The following GSTA1 variants were observed in gnomAD, a reference collection of about 807,000 sequenced individuals.
The protein encoded by GSTA1 is glutathione S-transferase alpha 1, also known as glutathione S-transferase A1.
GSTA1 carries 23 observed loss-of-function variants against 21.5 expected under a neutral mutation model. The observed-to-expected ratio is 1.07, with a 90% CI of 0.77 to 1.52. GSTA1 has a LOEUF of 1.52. Among genes scored for constraint, GSTA1 ranks in the 40% most tolerant of loss-of-function variants. GSTA1 has a pLI of 0.00. For synonymous variants in GSTA1, 125 were observed against 90.0 expected, an observed-to-expected ratio of 1.39 and a Z score of -2.20; for missense variants, 301 against 264.2, an observed-to-expected ratio of 1.14 and a Z score of -0.96.
intron 3 of GSTA1, among the ~76,000 whole-genome samples, chr6:52,796,543 A>ATATTTTTTTTTTTTTTTT (rs1300549721): frequency 4.2e-5 from 1 of 23,760 alleles, no homozygotes; most frequent in Non-Finnish European, 1.1e-4. Context: ...ATATATATAT[A>ATATTTTTTTTTTTTTTTT]TTTTTTTTTT....
intron 1 of GSTA1, among the ~76,000 whole-genome samples, chr6:52,802,065 T>C (rs3996997): frequency 0.95 from 144,983 of 152,196 alleles, 69,463 homozygotes; most frequent in East Asian, 1. Context: ...CCTGAGTTCC[T>C]CCTGTTAGCA....
intron 1 of GSTA1, among the ~76,000 whole-genome samples, chr6:52,802,163 A>G (rs536793998): frequency 1.3e-5 from 2 of 152,266 alleles, no homozygotes; most frequent in South Asian, 2.1e-4. Context: ...TGAGTTGAGG[A>G]CTAGTATAAT....
In GSTA1 at chr6:52,792,687, A is replaced by G. The variant is rs1763485029; in HGVS notation, c.546+169T>C. On this transcript the variant is annotated intron_variant, in intron 6 of 6. Transcript: ENST00000334575. ...CAGCACAGATTTCCTTTCCATAACA[A>G]AAGTGTTTTCATTCCTCAAAATTGG... 1.9e-6 allele frequency: 3 copies of G among 1,543,692 alleles called. No homozygotes were observed. The African/African-American group carries it at 4.1e-5, about 21-fold the overall frequency.
At position 52,791,620 on chromosome 6, in the gene GSTA1, T is replaced by C. The variant is rs572330784; in HGVS notation, c.*238A>G. On this transcript the variant is annotated 3_prime_UTR_variant, in exon 7 of 7. Coordinates refer to ENST00000334575, the MANE Select transcript of GSTA1 (RefSeq NM_145740.5). ...TTTCCTTTTTTACTGAATTTTTAAT[T>C]CCAGGAAAATGGTTGGCTAGGAGAA... 15 of 445,652 alleles carry C rather than the reference T, an allele frequency of 3.4e-5. No individual in the cohort carries two copies. The highest frequency in any genetic ancestry group is 3.0e-4 in the African/African-American group (15 of 49,786). 27.6% of individuals were successfully genotyped at this position (445,652 alleles called of 1,614,324 possible).
chr6:52,799,793 C>G (rs9474324), intron 1 of GSTA1, among the ~76,000 whole-genome samples: 148,387 of 152,306 alleles, frequency 0.97, 72,394 homozygotes, highest in South Asian at 1. Context: ...AATATCTACA[C>G]CAAGGACTAA....
At chr6:52,796,525 G>A (rs375852006) in intron 3 of GSTA1, among the ~76,000 whole-genome samples, 49,352 of 56,432 alleles carry the variant, frequency 0.87, 21,492 homozygotes, top group Middle Eastern at 0.93. Context: ...GTGTGTGTGT[G>A]TGTGTATATA....
Position 52,794,191 on chromosome 6 carries a change from T to A in GSTA1, c.348A>T (p.Glu116Asp). ...TGATCAAGGCAAGCTTGGCATCTTT[T>A]TCCTCAGGTGGACATACGGGCAGAA... ...ILLLPVCPPE[E>D]KDAKLALIKE... Residue 116 changes from glutamate to aspartate, a missense_variant, in exon 5 of 7, where the codon GAA (glutamate) becomes GAT (aspartate). Coordinates refer to ENST00000334575, the MANE Select transcript of GSTA1 (RefSeq NM_145740.5). 6.2e-7 allele frequency: 1 copy of A among 1,614,124 alleles called. No homozygotes were observed. The highest frequency in any genetic ancestry group is 1.3e-5 in the African/African-American group (1 of 75,066).
intron 6 of GSTA1, 21 bp from the exon 7 acceptor site, chr6:52,792,001 C>T: frequency 1.2e-6 from 2 of 1,613,454 alleles, no homozygotes; most frequent in Non-Finnish European, 1.7e-6. Context: ...TAAAGCACAG[C>T]CTCAGAGTGA....
Position 52,792,633 on chromosome 6 carries a change from G to A in GSTA1, c.546+223C>T, listed in dbSNP as rs908046270. The A allele has an allele frequency of 1.3e-5, 15 of 1,171,370 alleles. No homozygotes were observed. In the Admixed American group the frequency reaches 2.9e-4, roughly 22 times the overall value. The allele number at this position is 1,171,370 out of a possible 1,614,324, so 72.6% of individuals were successfully genotyped here. The stretch of plus-strand genomic sequence containing the variant: ...GGCCCTGGGTTCTTTCCATAATAAA[G>A]GGCAAAATACTCTTTGTGGGGTAGC... On this transcript the variant is annotated intron_variant, in intron 6 of 6. Coordinates refer to ENST00000334575, the MANE Select transcript of GSTA1 (RefSeq NM_145740.5).
intron 1 of GSTA1, among the ~76,000 whole-genome samples, chr6:52,802,910 C>A (rs1197418359): frequency 6.6e-6 from 1 of 152,040 alleles, no homozygotes. Context: ...ACTAATCAGT[C>A]CACCTGGATT....
rs1763516908 is a variant in GSTA1 at position 52,793,991 on chromosome 6, G to A, written c.414+134C>T. On this transcript the variant is annotated intron_variant, in intron 5 of 6. Transcript: ENST00000334575. ...CAAGTCTATTTTCATAAAATGCCTT[G>A]AGAGTCAGAGTGCTGCATTGGTGTT... 2.9e-6 allele frequency: 3 copies of A among 1,036,264 alleles called. No individual in the cohort carries two copies. The Admixed American group carries it at 6.5e-5, about 22-fold the overall frequency. 64.2% of individuals were successfully genotyped at this position (1,036,264 alleles called of 1,614,324 possible).
chr6:52,791,371 T>G lies in GSTA1; in HGVS notation c.*487A>C, dbSNP rs2894802. The stretch of plus-strand genomic sequence containing the variant: ...GAATCCACAGCAGACAGAATCATTG[T>G]TTTGCAAATGCATAAGAAAGAACGC... On this transcript the variant is annotated 3_prime_UTR_variant, in exon 7 of 7. Coordinates refer to ENST00000334575, the MANE Select transcript of GSTA1 (RefSeq NM_145740.5). Among the ~76,000 whole-genome samples, 96,622 of 152,024 alleles carry G rather than the reference T, an allele frequency of 0.64. 31,332 individuals are homozygous for G. Among genetic ancestry groups the G allele is most frequent in the East Asian group, 0.87 (4,519 of 5,174 alleles).
chr6:52,792,409 G>T (rs1049258647), intron 6 of GSTA1, among the ~76,000 whole-genome samples: 2 of 152,200 alleles, frequency 1.3e-5, no homozygotes, highest in African/African-American at 4.8e-5. Context: ...GAGAGATACA[G>T]TGTGGGGGGC....
At chr6:52,793,813 T>C (rs1184736532) in intron 5 of GSTA1, among the ~76,000 whole-genome samples, 4 of 152,190 alleles carry the variant, frequency 2.6e-5, no homozygotes, top group Admixed American at 2.0e-4. Flanking sequence ...TGGGGTTCCA[T>C]AGACTCAACA....
chr6:52,796,831 C>A (rs1763602602), intron 3 of GSTA1, among the ~76,000 whole-genome samples: 1 of 151,984 alleles, frequency 6.6e-6, no homozygotes, highest in Non-Finnish European at 1.5e-5. Context: ...TGAGCCACTG[C>A]ACCCAGTCCA....
intron 5 of GSTA1, among the ~76,000 whole-genome samples, 194 bp downstream of exon 5, chr6:52,793,931 G>T (rs531704963): frequency 6.6e-6 from 1 of 152,258 alleles, no homozygotes; most frequent in Non-Finnish European, 1.5e-5. Context: ...TACTGGAAAA[G>T]TATAGCTTGG....
intron 1 of GSTA1, among the ~76,000 whole-genome samples, chr6:52,800,229 T>A (rs757230568): frequency 6.6e-6 from 1 of 152,224 alleles, no homozygotes; most frequent in Non-Finnish European, 1.5e-5. Flanking sequence ...CAGTTGTTAT[T>A]CTCATTTTAC....
chr6:52,792,685 C>A, intron 6 of GSTA1, 171 bp downstream of exon 6: 1 of 1,534,600 alleles, frequency 6.5e-7, no homozygotes, highest in East Asian at 2.4e-5. Flanking sequence ...CTTTCCATAA[C>A]AAAAGTGTTT....
chr6:52,794,810 C>T (rs146457146), intron 4 of GSTA1, among the ~76,000 whole-genome samples: 1,571 of 152,252 alleles, frequency 0.01, 23 homozygotes, highest in African/African-American at 0.036. Flanking sequence ...TGTGCTGTTG[C>T]GCAACTCTAG....
Sources: allele counts gnomAD v4.1 joint callset (sites outside exome capture counted in the v4.1 genomes callset), GRCh38; gene constraint gnomAD v4.1.1; transcripts MANE v1.5; gene names NCBI Gene and HGNC (gene_info 2026-07-23, HGNC 2026-07-21).